The following EFNA3 variants were observed in gnomAD, a reference collection of about 807,000 sequenced individuals.
EFNA3 encodes the protein ephrin A3.
EFNA3 carries 15 observed loss-of-function variants against 25.0 expected under a neutral mutation model. That is an observed-to-expected ratio of 0.60 (90% confidence interval 0.40 to 0.92). EFNA3 has a LOEUF of 0.92. Among genes scored for constraint, EFNA3 ranks in the 40% least tolerant of loss-of-function variants. The pLI is 0.00. For missense variants in EFNA3, 298 were observed against 323.8 expected (o/e 0.92, Z 0.61); for synonymous variants, 153 against 145.6 (o/e 1.05, Z -0.37).
At chr1:155,084,998 C>G (rs1663422397) in intron 1 of EFNA3, 93 bp from the exon 2 acceptor site, 2 of 1,436,828 alleles carry the variant, frequency 1.4e-6, no homozygotes, top group South Asian at 1.2e-5. Flanking sequence ...CGGAAGGCTA[C>G]GCGGACCCTG....
Position 155,086,475 on chromosome 1 carries a change from C to A in EFNA3, c.649C>A (p.Pro217Thr). Reference protein sequence around the residue: ...KLEKSISGTSPKREHLPLAVG... With the variant: ...KLEKSISGTSTKREHLPLAVG... ...TGAGAAGAGCATCAGCGGGACCAGCCCCAAACGGGAACACCTGCCCCTGGC... is the reference window on the plus strand; with the variant it reads ...TGAGAAGAGCATCAGCGGGACCAGCACCAAACGGGAACACCTGCCCCTGGC... Residue 217 changes from proline to threonine, a missense_variant, in exon 5 of 5, where the codon CCC becomes ACC. Pro to Thr is a conservative substitution (Grantham distance 38). Coordinates refer to ENST00000368408, the MANE Select transcript of EFNA3 (RefSeq NM_004952.5). 6.2e-7 allele frequency: 1 copy of A among 1,614,100 alleles called. No homozygotes were observed. Among genetic ancestry groups the A allele is most frequent in the African/African-American group, 1.3e-5 (1 of 75,040 alleles).
In EFNA3 at chr1:155,080,340, C is replaced by G. The variant is rs1457531436; in HGVS notation, c.128+1271C>G. On this transcript the variant is annotated intron_variant, in intron 1 of 4. Coordinates refer to ENST00000368408, the MANE Select transcript of EFNA3 (RefSeq NM_004952.5). This position sits in a 1 kb window ranked among gnomAD's most constrained non-coding sequence, Gnocchi z 7.0. The stretch of plus-strand genomic sequence containing the variant: ...TTTGGGGCTCCGCGCCTCCCCCTCT[C>G]TCCCTCCTCGCGCCCGGAGTGTCAG... Among the ~76,000 whole-genome samples the G allele has an allele frequency of 6.6e-6, 1 of 152,178 alleles. No homozygotes were observed. The highest frequency in any genetic ancestry group is 1.5e-5 in the Non-Finnish European group (1 of 68,006).
rs1663443651 is a variant in EFNA3, at chr1:155,085,818, C to T, written c.443-59C>T. ...TGGAGGGGGTGAGAAATAGAGCCGT[C>T]GAGGGAGGGCACAGGCACACATTGG... is the stretch of plus-strand genomic sequence containing the variant. On this transcript the variant is annotated intron_variant, in intron 2 of 4. Transcript: ENST00000368408. This position sits in a 1 kb window ranked among gnomAD's most constrained non-coding sequence, Gnocchi z 4.4. 3 of 1,591,278 alleles carry T rather than the reference C, an allele frequency of 1.9e-6. No homozygotes were observed. The East Asian group carries it at 6.9e-5, about 36-fold the overall frequency.
In EFNA3 at chr1:155,086,195, C is replaced by T; in HGVS notation, c.576C>T (p.Ile192=). Residue 192 remains isoleucine (I), a synonymous_variant, in exon 4 of 5, where the codon ATC becomes ATT. Transcript: ENST00000368408. Reference sequence around the variant, plus strand: ...TCACCATGGGCCCCAATGTGAAGATCAACGTGCTGGGTGAGTCTGCGCAGC... The same window carrying T: ...TCACCATGGGCCCCAATGTGAAGATTAACGTGCTGGGTGAGTCTGCGCAGC... The part of the protein sequence containing the change: ...PQFTMGPNVK[I]NVLEDFEGEN... 1 of 1,599,348 alleles carries T rather than the reference C, an allele frequency of 6.3e-7. No individual in the cohort carries two copies.
At chr1:155,086,021 G>C (rs768433385) in intron 3 of EFNA3, 79 bp downstream of exon 3, 63 of 1,573,372 alleles carry the variant, frequency 4.0e-5, no homozygotes, top group Non-Finnish European at 5.1e-5. Flanking sequence ...TGGGGGTGGG[G>C]GCGGAGGGCA....
At chr1:155,086,066 G>T in intron 3 of EFNA3, 62 bp from the exon 4 acceptor site, 1 of 1,586,880 alleles carries the variant, frequency 6.3e-7, no homozygotes, top group Non-Finnish European at 8.6e-7. Flanking sequence ...GCCGTAGCAA[G>T]GGGAGGGAAT....
rs1663445757 is a variant in EFNA3, at chr1:155,085,902, G to T, written c.468G>T (p.Trp156Cys). 6.2e-7 allele frequency: 1 copy of T among 1,613,324 alleles called. No individual in the cohort carries two copies. Among genetic ancestry groups the T allele is most frequent in the Admixed American group, 1.7e-5 (1 of 59,950 alleles). Residue 156 changes from tryptophan (W) to cysteine (C), a missense_variant, in exon 3 of 5, where the codon TGG (tryptophan) becomes TGT (cysteine). Trp to Cys is a radical substitution (Grantham distance 215). Coordinates refer to ENST00000368408, the MANE Select transcript of EFNA3 (RefSeq NM_004952.5). The surrounding 1 kb of genome is among the most constrained non-coding windows in gnomAD (Gnocchi z 4.4). ...CCACGCCCACTCACAACCTGCACTG[G>T]AAGTGTCTGAGGATGAAGGTGTTCG... ...YISTPTHNLH[W>C]KCLRMKVFVC...
rs1480355163 is a variant in EFNA3, at chr1:155,080,680, A to T, written c.128+1611A>T. The stretch of plus-strand genomic sequence containing the variant: ...ATGCGGGAATAGGTTTGGTGGGGGG[A>T]GGTGTTGATCAGGTTCCCCTCCCCC... On this transcript the variant is annotated intron_variant, in intron 1 of 4. Coordinates refer to ENST00000368408, the MANE Select transcript of EFNA3 (RefSeq NM_004952.5). The surrounding 1 kb of genome is among the most constrained non-coding windows in gnomAD (Gnocchi z 7.0). 3.3e-5 allele frequency among the ~76,000 whole-genome samples: 5 copies of T among 151,664 alleles called. No individual in the cohort carries two copies. The South Asian group carries it at 1.0e-3, about 32-fold the overall frequency.
In EFNA3 at chr1:155,080,718, G is replaced by A. The variant is rs965769178; in HGVS notation, c.128+1649G>A. The stretch of plus-strand genomic sequence containing the variant: ...GTTCCCCTCCCCCGCATACACCTGG[G>A]CGCAGGTGAAAGCTCAGGGAGCGGG... On this transcript the variant is annotated intron_variant, in intron 1 of 4. Transcript: ENST00000368408. The surrounding 1 kb of genome is among the most constrained non-coding windows in gnomAD (Gnocchi z 7.0). Among the ~76,000 whole-genome samples the A allele has an allele frequency of 3.3e-5, 5 of 152,270 alleles. No homozygotes were observed. The highest frequency in any genetic ancestry group is 1.2e-4 in the African/African-American group (5 of 41,580).
chr1:155,086,713 A>G lies in EFNA3; in HGVS notation c.*170A>G. ...CCCCCTCTACCCCTTCCCCCCACGT[A>G]GGGCACTGTAGTGGACCAAGCACGG... On this transcript the variant is annotated 3_prime_UTR_variant, in exon 5 of 5. Transcript: ENST00000368408. 1 of 810,470 alleles carries G rather than the reference A, an allele frequency of 1.2e-6. No individual in the cohort carries two copies. The highest frequency in any genetic ancestry group is 1.9e-6 in the Non-Finnish European group (1 of 529,896). 50.2% of individuals were successfully genotyped at this position (810,470 alleles called of 1,614,324 possible).
At chr1:155,084,947 C>A in intron 1 of EFNA3, 144 bp from the exon 2 acceptor site, 1 of 874,632 alleles carries the variant, frequency 1.1e-6, no homozygotes, top group Non-Finnish European at 1.8e-6. Context: ...GCCCCGGGGG[C>A]AGAGACAGGG....
At chr1:155,084,965 G>C (rs1663420726) in intron 1 of EFNA3, 126 bp from the exon 2 acceptor site, 2 of 1,103,290 alleles carry the variant, frequency 1.8e-6, no homozygotes, top group East Asian at 2.4e-5. Flanking sequence ...GGGCTGAGCC[G>C]CGAGGAAGCT....
rs556364621 is a variant in EFNA3 at position 155,079,084 on chromosome 1, C to G, written c.128+15C>G. 1.5e-5 allele frequency: 20 copies of G among 1,313,252 alleles called. No homozygotes were observed. Among genetic ancestry groups the G allele is most frequent in the Non-Finnish European group, 2.0e-5 (20 of 1,023,416 alleles). 81.3% of individuals were successfully genotyped at this position (1,313,252 alleles called of 1,614,324 possible). A position where few individuals can be genotyped will look rare whatever the true frequency, so the allele number is the denominator to read the frequency against. On this transcript the variant is annotated intron_variant, in intron 1 of 4. Coordinates refer to ENST00000368408, the MANE Select transcript of EFNA3 (RefSeq NM_004952.5). The surrounding 1 kb of genome is among the most constrained non-coding windows in gnomAD (Gnocchi z 7.7). ...TCCAACCAGCAGTGAGTCGGGGACCCTGGGAGTCCGCGCGTCCCGTCTCAG... is the reference window on the plus strand; with the variant it reads ...TCCAACCAGCAGTGAGTCGGGGACCGTGGGAGTCCGCGCGTCCCGTCTCAG...
Position 155,078,852 on chromosome 1 carries a change from G to T in EFNA3, c.-90G>T. On this transcript the variant is annotated 5_prime_UTR_variant, in exon 1 of 5. Coordinates refer to ENST00000368408, the MANE Select transcript of EFNA3 (RefSeq NM_004952.5). ...CTGGGGGCGTGGCCTAAGGCTGGGGGCCGACGGCGGCGGCAGCAGGGAGCT... is the reference window on the plus strand; with the variant it reads ...CTGGGGGCGTGGCCTAAGGCTGGGGTCCGACGGCGGCGGCAGCAGGGAGCT... The T allele has an allele frequency of 3.1e-6, 4 of 1,295,464 alleles. No individual in the cohort carries two copies. The highest frequency in any genetic ancestry group is 2.3e-5 in the South Asian group (1 of 42,946). 80.2% of individuals were successfully genotyped at this position (1,295,464 alleles called of 1,614,324 possible).
At position 155,085,060 on chromosome 1, in the gene EFNA3, TTC is replaced by T. The variant is rs1286048688; in HGVS notation, c.129-25_129-24del. 2 of 1,608,622 alleles carry T rather than the reference TTC, an allele frequency of 1.2e-6. No homozygotes were observed. The highest frequency in any genetic ancestry group is 8.5e-7 in the Non-Finnish European group (1 of 1,177,884). ...GAAAGCGGCTTTGCTCTGGGGTTTC[TTC>T]TCTCTGAGCCGCTTCCTCTTCCCCA... is the stretch of plus-strand genomic sequence containing the variant. On this transcript the variant is annotated intron_variant, in intron 1 of 4. Transcript: ENST00000368408. The surrounding 1 kb of genome is among the most constrained non-coding windows in gnomAD (Gnocchi z 4.4).
In EFNA3 at chr1:155,079,028, G is replaced by A; in HGVS notation, c.87G>A (p.Leu29=). 7.0e-7 allele frequency: 1 copy of A among 1,419,326 alleles called. No individual in the cohort carries two copies. Among genetic ancestry groups the A allele is most frequent in the Non-Finnish European group, 9.2e-7 (1 of 1,082,364 alleles). The allele number at this position is 1,419,326 out of a possible 1,614,324, so 87.9% of individuals were successfully genotyped here. A position where few individuals can be genotyped will look rare whatever the true frequency, so the allele number is the denominator to read the frequency against. ...PLLAQGPGGA[L]GNRHAVYWNS... is the part of the protein sequence containing the mutation. ...TGGCCCAAGGGCCCGGAGGGGCGCTGGGAAACCGGCATGCGGTGTACTGGA... is the reference window on the plus strand; with the variant it reads ...TGGCCCAAGGGCCCGGAGGGGCGCTAGGAAACCGGCATGCGGTGTACTGGA... The change falls in exon 1 of 5, where the codon CTG becomes CTA. Residue 29 remains leucine (L), a synonymous_variant. Transcript: ENST00000368408. This position sits in a 1 kb window ranked among gnomAD's most constrained non-coding sequence, Gnocchi z 7.7.
Position 155,078,864 on chromosome 1 carries a change from G to T in EFNA3, c.-78G>T, listed in dbSNP as rs566775296. The T allele has an allele frequency of 1.5e-6, 2 of 1,304,062 alleles. No individual in the cohort carries two copies. Among genetic ancestry groups the T allele is most frequent in the African/African-American group, 3.1e-5 (2 of 63,992 alleles). 80.8% of individuals were successfully genotyped at this position (1,304,062 alleles called of 1,614,324 possible). A position where few individuals can be genotyped will look rare whatever the true frequency, so the allele number is the denominator to read the frequency against. On this transcript the variant is annotated 5_prime_UTR_variant, in exon 1 of 5. Transcript: ENST00000368408. ...CCTAAGGCTGGGGGCCGACGGCGGC[G>T]GCAGCAGGGAGCTGGGAAGCGGAGA... is the stretch of plus-strand genomic sequence containing the variant.
In EFNA3 at chr1:155,085,684, T is replaced by G. The variant is rs898525999; in HGVS notation, c.443-193T>G. On this transcript the variant is annotated intron_variant, in intron 2 of 4. Coordinates refer to ENST00000368408, the MANE Select transcript of EFNA3 (RefSeq NM_004952.5). The surrounding 1 kb of genome is among the most constrained non-coding windows in gnomAD (Gnocchi z 4.4). The stretch of plus-strand genomic sequence containing the variant: ...GGTTGGAACATCAGGGATCCCAGTT[T>G]CTTGAGGGGTGGGACCAAAGGGGCG... 2 of 700,254 alleles carry G rather than the reference T, an allele frequency of 2.9e-6. No homozygotes were observed. Among genetic ancestry groups the G allele is most frequent in the African/African-American group, 3.6e-5 (2 of 55,444 alleles). 43.4% of individuals were successfully genotyped at this position (700,254 alleles called of 1,614,324 possible). A position where few individuals can be genotyped will look rare whatever the true frequency, so the allele number is the denominator to read the frequency against.
rs908697335 is a variant in EFNA3 at position 155,080,421 on chromosome 1, G to A, written c.128+1352G>A. On this transcript the variant is annotated intron_variant, in intron 1 of 4. Transcript: ENST00000368408. The surrounding 1 kb of genome is among the most constrained non-coding windows in gnomAD (Gnocchi z 7.0). ...CCCTCTCGCTTCCCATGGAAACCTC[G>A]GGGGTGGGGACGTGGCCCCTCCCCC... is the stretch of plus-strand genomic sequence containing the variant. 6.6e-6 allele frequency among the ~76,000 whole-genome samples: 1 copy of A among 152,112 alleles called. No homozygotes were observed. The highest frequency in any genetic ancestry group is 1.5e-5 in the Non-Finnish European group (1 of 67,986).
Sources: allele counts gnomAD v4.1 joint callset (sites outside exome capture counted in the v4.1 genomes callset), GRCh38; gene constraint gnomAD v4.1.1; non-coding constraint Gnocchi (gnomAD v3.1); transcripts MANE v1.5; gene names NCBI Gene and HGNC (gene_info 2026-07-23, HGNC 2026-07-21).